Variants in SLC1A1 observed in about 807,000 individuals in gnomAD.
SLC1A1 encodes solute carrier family 1 member 1, also known as excitatory amino acid transporter 3.
Under a neutral mutation model 53.3 loss-of-function variants are expected in SLC1A1, and 43 were observed. The observed-to-expected ratio is 0.81, with a 90% CI of 0.63 to 1.04. The LOEUF (loss-of-function observed/expected upper bound fraction) is 1.04, where lower values mean the gene tolerates loss of function less well. SLC1A1 is among the 50% of genes least tolerant of loss of function. The pLI is 0.00. For missense variants in SLC1A1, 748 were observed against 664.9 expected (o/e 1.12, Z -1.37); for synonymous variants, 307 against 243.2 (o/e 1.26, Z -2.44).
rs1458505724 is a variant in SLC1A1 at position 4,586,087 on chromosome 9, AC to A, written c.*531del. ...CTCCAGCCAATTTCAAAGAAAACAG[AC>A]CAGCATAGTTCTGCAATAACAGTTT... On this transcript the variant is annotated 3_prime_UTR_variant, in exon 12 of 12. Coordinates refer to ENST00000262352, the MANE Select transcript of SLC1A1 (RefSeq NM_004170.6). The A allele has an allele frequency of 5.4e-6, 1 of 185,504 alleles. No homozygotes were observed. The highest frequency in any genetic ancestry group is 1.5e-4 in the East Asian group (1 of 6,630). The allele number at this position is 185,504 out of a possible 1,614,324, so 11.5% of individuals were successfully genotyped here.
intron 1 of SLC1A1, among the ~76,000 whole-genome samples, chr9:4,532,169 G>A (rs890813505): frequency 4.6e-5 from 7 of 152,176 alleles, no homozygotes; most frequent in African/African-American, 1.7e-4. Context: ...CCAAAGGAAC[G>A]CAGCTCCTTA....
chr9:4,524,486 C>T (rs1436560648), intron 1 of SLC1A1, among the ~76,000 whole-genome samples: 1 of 152,178 alleles, frequency 6.6e-6, no homozygotes, highest in African/African-American at 2.4e-5. Context: ...GAAGTATAAA[C>T]AAGATCTGGT....
intron 1 of SLC1A1, among the ~76,000 whole-genome samples, chr9:4,530,964 C>T (rs1430298196): frequency 1.3e-5 from 2 of 152,178 alleles, no homozygotes; most frequent in Admixed American, 6.5e-5. Flanking sequence ...CAACATTCAG[C>T]AAAACTGTCA....
At chr9:4,505,112 T>A (rs1303617609) in intron 1 of SLC1A1, among the ~76,000 whole-genome samples, 1 of 146,474 alleles carries the variant, frequency 6.8e-6, no homozygotes, top group African/African-American at 2.5e-5. Flanking sequence ...AGCGGCATGA[T>A]CTTGGCTCAC....
At chr9:4,550,402 G>T (rs1397251777) in intron 2 of SLC1A1, among the ~76,000 whole-genome samples, 2 of 152,136 alleles carry the variant, frequency 1.3e-5, no homozygotes. Flanking sequence ...TGTTGGGAAA[G>T]GGTGGGAAGA....
At chr9:4,508,394 G>T (rs1205134664) in intron 1 of SLC1A1, among the ~76,000 whole-genome samples, 1 of 152,116 alleles carries the variant, frequency 6.6e-6, no homozygotes, top group Non-Finnish European at 1.5e-5. Flanking sequence ...CACCTGCTGG[G>T]CTCTAAGCCA....
At chr9:4,512,388 G>C (rs1586700431) in intron 1 of SLC1A1, among the ~76,000 whole-genome samples, 2 of 151,974 alleles carry the variant, frequency 1.3e-5, no homozygotes, top group South Asian at 2.1e-4. Flanking sequence ...TGCGCCTGTA[G>C]TCCCAGCTAC....
At chr9:4,505,822 A>G (rs955090009) in intron 1 of SLC1A1, among the ~76,000 whole-genome samples, 15 of 152,078 alleles carry the variant, frequency 9.9e-5, no homozygotes, top group South Asian at 6.2e-4. Flanking sequence ...ACGCCCAGCT[A>G]ATTTTTGTAC....
Position 4,561,502 on chromosome 9 carries a change from GTGTATTATTTC to G in SLC1A1, c.291_301del (p.Tyr98HisfsTer25), listed in dbSNP as rs1564040762. The stretch of plus-strand genomic sequence containing the variant: ...CGGAAAAATTGGTCTGCGCGCTGTC[GTGTATTATTTC>G]TGTACCACTCTCATTGCTGTTATTC... On this transcript the variant is annotated frameshift_variant, in exon 3 of 12. Transcript: ENST00000262352. LOFTEE classifies it high-confidence loss of function. 1 of 1,608,654 alleles carries G rather than the reference GTGTATTATTTC, an allele frequency of 6.2e-7. No individual in the cohort carries two copies. The highest frequency in any genetic ancestry group is 1.1e-5 in the South Asian group (1 of 90,956).
In SLC1A1 at chr9:4,583,357, CA is replaced by C. The variant is rs1821282099; in HGVS notation, c.1328+186del. On this transcript the variant is annotated intron_variant, in intron 11 of 11. Coordinates refer to ENST00000262352, the MANE Select transcript of SLC1A1 (RefSeq NM_004170.6). The surrounding 1 kb of genome is among the most constrained non-coding windows in gnomAD (Gnocchi z 4.6). ...AAAATTAACTCCTCATAACGTGGAG[CA>C]GTGATTTTAAAAAGCCGGTGAGCTC... Among the ~76,000 whole-genome samples, 1 of 152,154 alleles carries C rather than the reference CA, an allele frequency of 6.6e-6. No individual in the cohort carries two copies. Among genetic ancestry groups the C allele is most frequent in the Admixed American group, 6.5e-5 (1 of 15,272 alleles).
At chr9:4,563,012 A>C (rs555607736) in intron 3 of SLC1A1, among the ~76,000 whole-genome samples, 9 of 151,524 alleles carry the variant, frequency 5.9e-5, no homozygotes, top group African/African-American at 2.2e-4. Context: ...AGATATACCT[A>C]ATGCTAGATG....
intron 4 of SLC1A1, among the ~76,000 whole-genome samples, chr9:4,565,200 G>T (rs971534722): frequency 6.6e-6 from 1 of 152,134 alleles, no homozygotes; most frequent in African/African-American, 2.4e-5. Context: ...TTCCAGGTAT[G>T]TGGCTTAGAT....
In SLC1A1 at chr9:4,576,013, C is replaced by T. The variant is rs1365965801; in HGVS notation, c.888C>T (p.His296=). The T allele has an allele frequency of 1.2e-6, 2 of 1,613,982 alleles. No individual in the cohort carries two copies. Among genetic ancestry groups the T allele is most frequent in the Non-Finnish European group, 1.7e-6 (2 of 1,179,922 alleles). The change falls in exon 9 of 12, where the codon CAC becomes CAT. Residue 296 remains histidine (H), a synonymous_variant. Coordinates refer to ENST00000262352, the MANE Select transcript of SLC1A1 (RefSeq NM_004170.6). ...MATVLTGLAI[H]SIVILPLIYF... Reference sequence around the variant, plus strand: ...TTCTTGTTTACAGGCTTGCAATCCACTCCATTGTAATTCTCCCGCTGATAT... The same window carrying T: ...TTCTTGTTTACAGGCTTGCAATCCATTCCATTGTAATTCTCCCGCTGATAT...
chr9:4,498,908 G>A (rs902949671), intron 1 of SLC1A1, among the ~76,000 whole-genome samples: 1 of 144,492 alleles, frequency 6.9e-6, no homozygotes, highest in African/African-American at 2.5e-5. Flanking sequence ...TATATTACAT[G>A]TATACATACA....
intron 1 of SLC1A1, among the ~76,000 whole-genome samples, chr9:4,539,234 G>T (rs921922026): frequency 1.3e-5 from 2 of 152,182 alleles, no homozygotes; most frequent in African/African-American, 4.8e-5. Flanking sequence ...TGTAAAAAGT[G>T]TGTGTGCATA....
At chr9:4,572,438 T>C in intron 7 of SLC1A1, 50 bp downstream of exon 7, 1 of 1,488,080 alleles carries the variant, frequency 6.7e-7, no homozygotes, top group Middle Eastern at 1.7e-4. Flanking sequence ...CAATTCTGTC[T>C]CCTCAAAATT....
intron 1 of SLC1A1, among the ~76,000 whole-genome samples, chr9:4,495,312 C>T (rs140769091): frequency 1.3e-5 from 2 of 152,316 alleles, no homozygotes; most frequent in African/African-American, 4.8e-5. Flanking sequence ...ATTCATTTAA[C>T]AGATATGTAT....
At chr9:4,562,400 T>C (rs1586800735) in intron 3 of SLC1A1, among the ~76,000 whole-genome samples, 1 of 152,088 alleles carries the variant, frequency 6.6e-6, no homozygotes, top group Non-Finnish European at 1.5e-5. Flanking sequence ...AAGTGGATGA[T>C]TGGTCTATAA....
chr9:4,519,970 A>AT, intron 1 of SLC1A1, among the ~76,000 whole-genome samples: 1 of 152,102 alleles, frequency 6.6e-6, no homozygotes, highest in South Asian at 2.1e-4. Context: ...ATCTATAGGG[A>AT]TTTTCAGATC....
Sources: gnomAD v4.1 joint callset for allele counts (sites outside exome capture counted in the v4.1 genomes callset) on GRCh38, gnomAD v4.1.1 for gene constraint, Gnocchi (gnomAD v3.1) non-coding constraint, MANE v1.5 for transcripts, NCBI Gene and HGNC (gene_info 2026-07-23, HGNC 2026-07-21) for gene names.